Variants in NCOA2 observed in about 807,000 individuals in gnomAD.
The protein encoded by NCOA2 is nuclear receptor coactivator 2, also known as class E basic helix-loop-helix protein 75.
NCOA2 carries 21 observed loss-of-function variants against 145.1 expected under a neutral mutation model. That is an observed-to-expected ratio of 0.14 (90% CI 0.10 to 0.21). NCOA2 has a LOEUF of 0.21. NCOA2 is among the 10% of genes least tolerant of loss of function. NCOA2 has a pLI of 1.00. For missense variants in NCOA2, 1,472 were observed against 1,837.6 expected, an observed-to-expected ratio of 0.80 and a Z score of 3.64; for synonymous variants, 619 against 637.5, an observed-to-expected ratio of 0.97 and a Z score of 0.44.
intron 1 of NCOA2, among the ~76,000 whole-genome samples, chr8:70,341,712 T>C (rs1265024884): frequency 3.3e-5 from 5 of 152,232 alleles, no homozygotes; most frequent in South Asian, 2.1e-4. Context: ...TTATACTCTT[T>C]TAATGAGTGA....
chr8:70,330,236 TG>T (rs1232704031), intron 1 of NCOA2, among the ~76,000 whole-genome samples: 1 of 151,932 alleles, frequency 6.6e-6, no homozygotes, highest in Non-Finnish European at 1.5e-5. Context: ...ATGATGATGA[TG>T]ATCTGGTTTC....
chr8:70,353,749 A>G (rs73684282), intron 1 of NCOA2, among the ~76,000 whole-genome samples: 3,984 of 152,056 alleles, frequency 0.026, 164 homozygotes, highest in African/African-American at 0.091. Context: ...CTAAGTTCTA[A>G]GGTAATTATG....
chr8:70,385,223 C>T (rs911559688), intron 1 of NCOA2, among the ~76,000 whole-genome samples: 1 of 152,050 alleles, frequency 6.6e-6, no homozygotes, highest in African/African-American at 2.4e-5. Context: ...AATAACTAAC[C>T]AAGATTTATT....
At chr8:70,188,966 T>TTATCA (rs1816374048) in intron 4 of NCOA2, among the ~76,000 whole-genome samples, 1 of 152,222 alleles carries the variant, frequency 6.6e-6, no homozygotes, top group Admixed American at 6.5e-5. Context: ...TAACTCTCAG[T>TTATCA]AGAATAAAAC....
chr8:70,330,586 C>A lies in NCOA2; in HGVS notation c.-76-33786G>T, dbSNP rs572035642. ...CATGTCTCAAAAAAAAAAAAAACCCCAAAAAACAAACAAAAAAAAGATGAA... is the reference window on the plus strand; with the variant it reads ...CATGTCTCAAAAAAAAAAAAAACCCAAAAAAACAAACAAAAAAAAGATGAA... On this transcript the variant is annotated intron_variant, in intron 1 of 22. Transcript: ENST00000452400. 3.3e-4 allele frequency among the ~76,000 whole-genome samples: 50 copies of A among 149,806 alleles called. No homozygotes were observed. The East Asian group carries it at 6.4e-3, about 19-fold the overall frequency.
chr8:70,126,058 C>T (rs1384990320), intron 19 of NCOA2, among the ~76,000 whole-genome samples: 1 of 152,122 alleles, frequency 6.6e-6, no homozygotes, highest in Non-Finnish European at 1.5e-5. Context: ...TTTAAAGAAA[C>T]AGGAGACTTG....
intron 2 of NCOA2, among the ~76,000 whole-genome samples, chr8:70,295,917 A>T (rs1352772284): frequency 1.3e-5 from 2 of 152,190 alleles, no homozygotes; most frequent in African/African-American, 4.8e-5. Flanking sequence ...TGCACTCCAG[A>T]CTGGGTGAAA....
chr8:70,231,257 A>G (rs1821106187), intron 2 of NCOA2, among the ~76,000 whole-genome samples: 1 of 152,366 alleles, frequency 6.6e-6, no homozygotes, highest in Admixed American at 6.5e-5. Flanking sequence ...TTTAAAGATT[A>G]TGGTGTGACA....
chr8:70,218,787 T>C (rs1048178240), intron 2 of NCOA2, among the ~76,000 whole-genome samples: 16 of 152,318 alleles, frequency 1.1e-4, no homozygotes, highest in African/African-American at 3.9e-4. Context: ...CTAGAAGTCA[T>C]ACAAACTTAA....
intron 2 of NCOA2, among the ~76,000 whole-genome samples, chr8:70,227,980 G>A (rs531033577): frequency 6.7e-6 from 1 of 149,340 alleles, no homozygotes; most frequent in East Asian, 1.9e-4. Context: ...ACTCCAGCCT[G>A]GGCGACAGAG....
At chr8:70,287,049 C>T (rs1368488540) in intron 2 of NCOA2, among the ~76,000 whole-genome samples, 1 of 151,968 alleles carries the variant, frequency 6.6e-6, no homozygotes, top group Non-Finnish European at 1.5e-5. Flanking sequence ...TAGAGACTAG[C>T]CTGGCCAACA....
chr8:70,202,476 G>A (rs1056492177), intron 4 of NCOA2, among the ~76,000 whole-genome samples: 10 of 152,140 alleles, frequency 6.6e-5, no homozygotes, highest in African/African-American at 1.4e-4. Flanking sequence ...TAAAGAAAAT[G>A]TGGTATATAA....
chr8:70,161,773 G>A (rs566636967), intron 9 of NCOA2, among the ~76,000 whole-genome samples: 2 of 152,342 alleles, frequency 1.3e-5, no homozygotes, highest in Admixed American at 6.5e-5. Flanking sequence ...TCCCTCACGT[G>A]CAGCATGGCG....
intron 2 of NCOA2, among the ~76,000 whole-genome samples, chr8:70,236,786 G>A (rs1821649817): frequency 6.6e-6 from 1 of 152,188 alleles, no homozygotes; most frequent in African/African-American, 2.4e-5. Flanking sequence ...ATGATTTAAA[G>A]TATATGGGAG....
intron 22 of NCOA2, among the ~76,000 whole-genome samples, chr8:70,115,291 C>A (rs1806970471): frequency 6.6e-6 from 1 of 152,112 alleles, no homozygotes. Context: ...AGTATTTATA[C>A]CTATTGCGTT....
intron 2 of NCOA2, among the ~76,000 whole-genome samples, chr8:70,264,662 T>C (rs1034691652): frequency 2.6e-5 from 4 of 152,166 alleles, no homozygotes; most frequent in South Asian, 2.1e-4. Context: ...AACTGTCATA[T>C]CTATGTAAGG....
intron 1 of NCOA2, among the ~76,000 whole-genome samples, chr8:70,361,461 A>C (rs1320766944): frequency 3.3e-5 from 5 of 151,744 alleles, no homozygotes; most frequent in Non-Finnish European, 5.9e-5. Context: ...CAAGAACAAA[A>C]CTCCGTCTCA....
intron 2 of NCOA2, among the ~76,000 whole-genome samples, chr8:70,288,378 A>G (rs1826402488): frequency 6.6e-6 from 1 of 152,158 alleles, no homozygotes; most frequent in South Asian, 2.1e-4. Flanking sequence ...TAGGAGTTCA[A>G]GACCAGCCTG....
chr8:70,270,206 G>A (rs1824937406), intron 2 of NCOA2, among the ~76,000 whole-genome samples: 1 of 151,168 alleles, frequency 6.6e-6, no homozygotes, highest in South Asian at 2.1e-4. Context: ...AAAAAAAAAA[G>A]AAGAAAAAAG....
Sources: allele counts gnomAD v4.1 joint callset (sites outside exome capture counted in the v4.1 genomes callset), GRCh38; gene constraint gnomAD v4.1.1; transcripts MANE v1.5; gene names NCBI Gene and HGNC (gene_info 2026-07-23, HGNC 2026-07-21).